The following P2RX5 variants were observed in gnomAD, a reference collection of about 807,000 sequenced individuals.
P2RX5 encodes P2X purinoceptor 5.
In P2RX5, 46 loss-of-function variants were observed where a neutral mutation model predicts 54.1. That is an observed-to-expected ratio of 0.85 (90% CI 0.67 to 1.09). The LOEUF (loss-of-function observed/expected upper bound fraction) is 1.09. Among genes scored for constraint, P2RX5 ranks in the 50% least tolerant of loss-of-function variants. The pLI is 0.00. For synonymous variants in P2RX5, 226 were observed against 226.4 expected, an observed-to-expected ratio of 1.00 and a Z score of 0.02; for missense variants, 566 against 549.8, an observed-to-expected ratio of 1.03 and a Z score of -0.29.
At chr17:3,691,564 T>C in intron 2 of P2RX5, 80 bp downstream of exon 2, 3 of 1,562,156 alleles carry the variant, frequency 1.9e-6, no homozygotes, top group Admixed American at 3.4e-5. Context: ...TCCCTGCGTA[T>C]CCAAGAAGCT....
At chr17:3,694,612 C>T (rs989316855) in intron 1 of P2RX5, among the ~76,000 whole-genome samples, 1 of 152,180 alleles carries the variant, frequency 6.6e-6, no homozygotes, top group African/African-American at 2.4e-5. Context: ...AGGAGAGAGC[C>T]CCCCCTGAGA....
chr17:3,702,627 A>C, the P2RX5 span, among the ~76,000 whole-genome samples: 8 of 152,208 alleles, frequency 5.3e-5, no homozygotes, highest in South Asian at 1.7e-3. Flanking sequence ...GAGACCATGA[A>C]CCCACTGGAA....
At chr17:3,680,464 C>T (rs1281496996) in intron 10 of P2RX5, among the ~76,000 whole-genome samples, 1 of 115,408 alleles carries the variant, frequency 8.7e-6, no homozygotes, top group Admixed American at 8.1e-5. Flanking sequence ...AGTCCTCCAC[C>T]CAGTGTCCTC....
the P2RX5 span, among the ~76,000 whole-genome samples, chr17:3,709,763 G>T: frequency 6.6e-6 from 1 of 152,060 alleles, no homozygotes; most frequent in East Asian, 1.9e-4. Flanking sequence ...GCAAAAATTA[G>T]CTGGGCATGG....
At chr17:3,677,479 C>T in intron 11 of P2RX5, 1 of 985,492 alleles carries the variant, frequency 1.0e-6, no homozygotes, top group Non-Finnish European at 1.2e-6. Flanking sequence ...TGGTTGCCTC[C>T]ATGGCCACCT....
At chr17:3,694,085 A>G (rs2050691387) in intron 1 of P2RX5, among the ~76,000 whole-genome samples, 1 of 152,052 alleles carries the variant, frequency 6.6e-6, no homozygotes, top group African/African-American at 2.4e-5. Flanking sequence ...AAAACCACCC[A>G]AATGTCCATC....
At chr17:3,719,406 CTA>C in the P2RX5 span, among the ~76,000 whole-genome samples, 3 of 152,120 alleles carry the variant, frequency 2.0e-5, no homozygotes, top group South Asian at 6.2e-4. Context: ...GACATTCCCT[CTA>C]GTAGAGAATC....
intron 8 of P2RX5, 90 bp downstream of exon 8, chr17:3,688,536 C>T (rs774760086): frequency 3.5e-4 from 496 of 1,433,424 alleles, no homozygotes; most frequent in Non-Finnish European, 4.6e-4. Context: ...ACACCCACCC[C>T]CAGGAAGGGG....
At chr17:3,675,028 TA>T (rs2050069555) in intron 11 of P2RX5, among the ~76,000 whole-genome samples, 1 of 152,218 alleles carries the variant, frequency 6.6e-6, no homozygotes, top group African/African-American at 2.4e-5. Flanking sequence ...AAGGAATGAC[TA>T]ACTGTAGGAA....
intron 11 of P2RX5, chr17:3,675,424 G>C: frequency 1.0e-6 from 1 of 985,396 alleles, no homozygotes; most frequent in Non-Finnish European, 1.2e-6. Flanking sequence ...TCGAAGTCTG[G>C]TTAAAATCAG....
intron 9 of P2RX5, among the ~76,000 whole-genome samples, chr17:3,684,764 C>CACAGA (rs1471597910): frequency 1.3e-5 from 2 of 151,628 alleles, no homozygotes; most frequent in Non-Finnish European, 1.5e-5. Context: ...AAGACCACAA[C>CACAGA]ACAGAATTCT....
At chr17:3,713,740 A>C in the P2RX5 span, among the ~76,000 whole-genome samples, 2 of 139,300 alleles carry the variant, frequency 1.4e-5, no homozygotes, top group South Asian at 2.4e-4. Flanking sequence ...GTAAGAGCAA[A>C]ACTCTGTCTC....
At chr17:3,674,315 C>T (rs1354336430) in intron 11 of P2RX5, among the ~76,000 whole-genome samples, 1 of 135,056 alleles carries the variant, frequency 7.4e-6, no homozygotes, top group Non-Finnish European at 1.6e-5. Flanking sequence ...GACTCCGTCT[C>T]AAAAAATTAA....
At position 3,688,607 on chromosome 17, in the gene P2RX5, G is replaced by A. The variant is rs746649779; in HGVS notation, c.887+19C>T. 6.2e-7 allele frequency: 1 copy of A among 1,613,708 alleles called. No homozygotes were observed. Among genetic ancestry groups the A allele is most frequent in the South Asian group, 1.1e-5 (1 of 91,078 alleles). Reference sequence around the variant, plus strand: ...ACTGATCATGGTCAGGTCACAAGTGGGCACAAGGCAGCGGTTACCTGAAGT... The same window carrying A: ...ACTGATCATGGTCAGGTCACAAGTGAGCACAAGGCAGCGGTTACCTGAAGT... On this transcript the variant is annotated intron_variant, in intron 8 of 11. Coordinates refer to ENST00000225328, the MANE Select transcript of P2RX5 (RefSeq NM_002561.4).
upstream of P2RX5, among the ~76,000 whole-genome samples, chr17:3,696,710 G>T (rs1198045404): frequency 6.6e-6 from 1 of 152,186 alleles, no homozygotes; most frequent in Admixed American, 6.5e-5. Flanking sequence ...AAAGTGCTGG[G>T]ATTACAGGCG....
chr17:3,706,102 G>A, the P2RX5 span, among the ~76,000 whole-genome samples: 11 of 151,706 alleles, frequency 7.3e-5, no homozygotes, highest in African/African-American at 1.5e-4. Flanking sequence ...CTACAGGCGC[G>A]CACCACCACG....
the P2RX5 span, among the ~76,000 whole-genome samples, chr17:3,706,321 C>T: frequency 6.6e-6 from 1 of 152,090 alleles, no homozygotes; most frequent in African/African-American, 2.4e-5. Flanking sequence ...TCTCAAACTC[C>T]TGGGTTCAAG....
At chr17:3,691,947 G>T (rs2050629290) in intron 1 of P2RX5, 153 bp from the exon 2 acceptor site, 1 of 759,178 alleles carries the variant, frequency 1.3e-6, no homozygotes, top group African/African-American at 1.7e-5. Context: ...CTGGGCAGGG[G>T]CCACAGCTCC....
intron 1 of P2RX5, 96 bp from the exon 2 acceptor site, chr17:3,691,890 C>G: frequency 7.7e-7 from 1 of 1,295,180 alleles, no homozygotes; most frequent in East Asian, 2.3e-5. Flanking sequence ...ACAGCAACTC[C>G]TAGTTGAGGT....
Sources: allele counts gnomAD v4.1 joint callset (sites outside exome capture counted in the v4.1 genomes callset), GRCh38; gene constraint gnomAD v4.1.1; transcripts MANE v1.5; gene names NCBI Gene and HGNC (gene_info 2026-07-23, HGNC 2026-07-21).